The following ADAM10 variants were observed in gnomAD, a reference collection of about 807,000 sequenced individuals.
ADAM10 encodes ADAM metallopeptidase domain 10, also known as disintegrin and metalloproteinase domain-containing protein 10.
Under a neutral mutation model 90.1 loss-of-function variants are expected in ADAM10, and 17 were observed. The ratio of observed to expected loss-of-function variants is 0.19; its 90% CI spans 0.13 to 0.28. ADAM10 has a LOEUF of 0.28. Ranked by LOEUF, ADAM10 falls within the 10% of genes least tolerant of loss-of-function variation. ADAM10 has a pLI of 1.00. For synonymous variants in ADAM10, 310 were observed against 298.6 expected, an observed-to-expected ratio of 1.04 and a Z score of -0.40; for missense variants, 610 against 914.3, an observed-to-expected ratio of 0.67 and a Z score of 4.29.
chr15:58,749,589 C>A lies in ADAM10; in HGVS notation c.-55G>T. Reference sequence around the variant, plus strand: ...TCCTCACGGGTTAACAGCAGCACATCGATCCGGAGGGAGAAGCTGAAGGGG... The same window carrying A: ...TCCTCACGGGTTAACAGCAGCACATAGATCCGGAGGGAGAAGCTGAAGGGG... On this transcript the variant is annotated 5_prime_UTR_variant, in exon 1 of 16. Coordinates refer to ENST00000260408, the MANE Select transcript of ADAM10 (RefSeq NM_001110.4). 6.5e-7 allele frequency: 1 copy of A among 1,547,962 alleles called. No homozygotes were observed. Among genetic ancestry groups the A allele is most frequent in the Non-Finnish European group, 8.7e-7 (1 of 1,145,122 alleles).
intron 5 of ADAM10, among the ~76,000 whole-genome samples, chr15:58,659,233 A>G (rs1414860463): frequency 6.6e-6 from 1 of 151,918 alleles, no homozygotes; most frequent in African/African-American, 2.4e-5. Context: ...AGATCACACC[A>G]CTGCACTCCA....
At chr15:58,733,881 G>A (rs1428695793) in intron 1 of ADAM10, among the ~76,000 whole-genome samples, 1 of 149,476 alleles carries the variant, frequency 6.7e-6, no homozygotes, top group African/African-American at 2.5e-5. Flanking sequence ...GACTTTAATA[G>A]AATATCTTTA....
chr15:58,690,128 G>A (rs894066276), intron 2 of ADAM10, among the ~76,000 whole-genome samples: 11 of 152,178 alleles, frequency 7.2e-5, no homozygotes, highest in Admixed American at 7.2e-4. Flanking sequence ...GCATTCAAAG[G>A]GGAGAAAAGC....
At chr15:58,617,801 CA>C (rs545780666) in intron 11 of ADAM10, among the ~76,000 whole-genome samples, 6 of 132,326 alleles carry the variant, frequency 4.5e-5, no homozygotes, top group East Asian at 2.2e-4. Flanking sequence ...ATAATAGCTG[CA>C]AAAAAAAGAG....
chr15:58,713,034 CAT>C (rs1898527715), intron 2 of ADAM10, among the ~76,000 whole-genome samples: 1 of 152,232 alleles, frequency 6.6e-6, no homozygotes, highest in African/African-American at 2.4e-5. Flanking sequence ...ATGAGGATGA[CAT>C]AGAGTATAAA....
At position 58,692,572 on chromosome 15, in the gene ADAM10, C is replaced by T. The variant is rs200189499; in HGVS notation, c.207-10258G>A. On this transcript the variant is annotated intron_variant, in intron 2 of 15. Transcript: ENST00000260408. ...CTCCAAATAAACGGCGATAAGACAG[C>T]CTATGAACTGAGGGTGCTTCTTCAC... 5.0e-4 allele frequency: 276 copies of T among 551,250 alleles called. 3 individuals are homozygous for T. The highest frequency in any genetic ancestry group is 1.3e-4 in the Non-Finnish European group (35 of 272,320). The allele number at this position is 551,250 out of a possible 1,614,324, so 34.1% of individuals were successfully genotyped here.
intron 2 of ADAM10, among the ~76,000 whole-genome samples, chr15:58,684,058 T>A (rs989966526): frequency 6.6e-6 from 1 of 152,120 alleles, no homozygotes; most frequent in Admixed American, 6.5e-5. Flanking sequence ...ACACTTTAAA[T>A]CATCTCAAAA....
intron 1 of ADAM10, among the ~76,000 whole-genome samples, chr15:58,746,417 T>C (rs1374478873): frequency 1.3e-5 from 2 of 152,208 alleles, no homozygotes; most frequent in Non-Finnish European, 2.9e-5. Flanking sequence ...GGAGAGGCTG[T>C]ACACATACAC....
At chr15:58,718,420 G>A (rs1035708969) in intron 1 of ADAM10, among the ~76,000 whole-genome samples, 15 of 152,004 alleles carry the variant, frequency 9.9e-5, no homozygotes, top group African/African-American at 2.7e-4. Flanking sequence ...GGTATATACC[G>A]GCTTACAGTT....
intron 1 of ADAM10, chr15:58,749,123 C>CCGAG: frequency 5.0e-6 from 2 of 398,124 alleles, no homozygotes; most frequent in Non-Finnish European, 8.8e-6. Context: ...CCGGCGCCCG[C>CCGAG]CGAGCAGACT....
At chr15:58,747,275 T>C (rs1348827600) in intron 1 of ADAM10, 5 of 152,244 alleles carry the variant, frequency 3.3e-5, no homozygotes, top group Admixed American at 2.0e-4. Flanking sequence ...ACTTTAATTA[T>C]TCCTTCCAGC....
At chr15:58,630,703 T>C (rs1310768302) in intron 9 of ADAM10, among the ~76,000 whole-genome samples, 1 of 152,158 alleles carries the variant, frequency 6.6e-6, no homozygotes, top group Admixed American at 6.5e-5. Flanking sequence ...TGTGAACCAC[T>C]CAGAAAAAGT....
At chr15:58,682,169 A>C in intron 3 of ADAM10, 27 bp downstream of exon 3, 1 of 1,608,258 alleles carries the variant, frequency 6.2e-7, no homozygotes, top group South Asian at 1.1e-5. Flanking sequence ...AAATGGAAGA[A>C]AAGGGTTCTG....
intron 14 of ADAM10, among the ~76,000 whole-genome samples, chr15:58,601,744 C>T (rs373413189): frequency 2.6e-5 from 4 of 152,276 alleles, no homozygotes; most frequent in South Asian, 2.1e-4. Flanking sequence ...TTTCTTTTCT[C>T]TCCTTTGATT....
At chr15:58,734,928 G>A (rs529637288) in intron 1 of ADAM10, among the ~76,000 whole-genome samples, 1 of 152,276 alleles carries the variant, frequency 6.6e-6, no homozygotes, top group African/African-American at 2.4e-5. Flanking sequence ...CAGGAGCCCT[G>A]ACTAATCTTC....
intron 6 of ADAM10, among the ~76,000 whole-genome samples, chr15:58,645,521 A>G (rs1352695950): frequency 6.6e-6 from 1 of 152,186 alleles, no homozygotes; most frequent in Non-Finnish European, 1.5e-5. Context: ...AAAATGATTC[A>G]TTTATACTAG....
chr15:58,680,456 T>G (rs2140752695), intron 3 of ADAM10, among the ~76,000 whole-genome samples: 1 of 152,344 alleles, frequency 6.6e-6, no homozygotes, highest in South Asian at 2.1e-4. Context: ...CAGTGTCAAA[T>G]ATTTCATGGG....
chr15:58,640,687 T>G, intron 8 of ADAM10, 90 bp downstream of exon 8: 1 of 1,264,972 alleles, frequency 7.9e-7, no homozygotes, highest in Non-Finnish European at 1.1e-6. Context: ...CAGGCATCAC[T>G]TTCTCCTATA....
chr15:58,626,821 C>G (rs1437520670), intron 10 of ADAM10, among the ~76,000 whole-genome samples: 1 of 152,088 alleles, frequency 6.6e-6, no homozygotes, highest in African/African-American at 2.4e-5. Flanking sequence ...CAGAGCATTA[C>G]TGCTTAATGG....
Sources: gnomAD v4.1 joint callset for allele counts (sites outside exome capture counted in the v4.1 genomes callset) on GRCh38, gnomAD v4.1.1 for gene constraint, MANE v1.5 for transcripts, NCBI Gene and HGNC (gene_info 2026-07-23, HGNC 2026-07-21) for gene names.